ALDH6A1: variants seen among roughly 807,000 people sequenced by gnomAD.
The protein encoded by ALDH6A1 is methylmalonate-semialdehyde/malonate-semialdehyde dehydrogenase [acylating], mitochondrial.
ALDH6A1 carries 43 observed loss-of-function variants against 62.6 expected under a neutral mutation model. The observed-to-expected ratio is 0.69, with a 90% CI of 0.54 to 0.89. The LOEUF (loss-of-function observed/expected upper bound fraction) is 0.89. ALDH6A1 is among the 40% of genes least tolerant of loss of function. The pLI is 0.00. For synonymous variants in ALDH6A1, 194 were observed against 234.2 expected (o/e 0.83, Z 1.57); for missense variants, 551 against 661.3 (o/e 0.83, Z 1.83).
chr14:74,061,209 C>T (rs2060333024), intron 11 of ALDH6A1, among the ~76,000 whole-genome samples: 1 of 152,146 alleles, frequency 6.6e-6, no homozygotes, highest in African/African-American at 2.4e-5. Context: ...AACTCCCGGC[C>T]TCAAGTGATC....
rs921094821 is a variant in ALDH6A1, at chr14:74,057,459, A to G, written c.*3183T>C. ...GCATATTATACTAATGCAAATGCAA[A>G]TGTGTGCCTCTTTTTGTGTAGAAAC... is the stretch of plus-strand genomic sequence containing the variant. On this transcript the variant is annotated 3_prime_UTR_variant, in exon 12 of 12. Coordinates refer to ENST00000553458, the MANE Select transcript of ALDH6A1 (RefSeq NM_005589.4). 8 of 1,455,282 alleles carry G rather than the reference A, an allele frequency of 5.5e-6. No individual in the cohort carries two copies. The highest frequency in any genetic ancestry group is 7.2e-6 in the Non-Finnish European group (8 of 1,106,950). The allele number at this position is 1,455,282 out of a possible 1,614,324, so 90.1% of individuals were successfully genotyped here. A position where few individuals can be genotyped will look rare whatever the true frequency, so the allele number is the denominator to read the frequency against.
rs369223978 is a variant in ALDH6A1 at position 74,065,212 on chromosome 14, C to T, written c.1373G>A (p.Arg458Gln). ...AACATCCACCAAGTGGGCATATTTC[C>T]GAGCAGTGGCTCCATTGGTGGTGAA... ...AIFTTNGATA[R>Q]KYAHLVDVGQ... The change falls in exon 10 of 12, where the codon CGG (arginine) becomes CAG (glutamine). Residue 458 changes from arginine (R) to glutamine (Q), a missense_variant. By Grantham distance (43) the Arg-to-Gln change is conservative. Coordinates refer to ENST00000553458, the MANE Select transcript of ALDH6A1 (RefSeq NM_005589.4). 42 of 1,613,998 alleles carry T rather than the reference C, an allele frequency of 2.6e-5. No homozygotes were observed. Among genetic ancestry groups the T allele is most frequent in the South Asian group, 3.3e-5 (3 of 91,078 alleles).
Position 74,071,900 on chromosome 14 carries a change from G to C in ALDH6A1, c.423C>G (p.Gly141=). The change falls in exon 5 of 12, where the codon GGC becomes GGG. Residue 141 remains glycine, a synonymous_variant. Coordinates refer to ENST00000553458, the MANE Select transcript of ALDH6A1 (RefSeq NM_005589.4). ...LADAEGDVFR[G]LQVVEHACSV... Reference sequence around the variant, plus strand: ...CATAAGGGGCTCCCAGCTTACGAAGGCCTCGAAATACATCTCCTTCAGCAT... The same window carrying C: ...CATAAGGGGCTCCCAGCTTACGAAGCCCTCGAAATACATCTCCTTCAGCAT... 2 of 1,614,162 alleles carry C rather than the reference G, an allele frequency of 1.2e-6. No individual in the cohort carries two copies. Among genetic ancestry groups the C allele is most frequent in the Non-Finnish European group, 8.5e-7 (1 of 1,179,986 alleles).
At chr14:74,064,365 AT>A (rs564076208) in intron 11 of ALDH6A1, among the ~76,000 whole-genome samples, 1 of 152,082 alleles carries the variant, frequency 6.6e-6, no homozygotes, top group Admixed American at 6.6e-5. Context: ...GCTCAACAAC[AT>A]TTTTTGTAAA....
intron 6 of ALDH6A1, among the ~76,000 whole-genome samples, chr14:74,069,702 G>C (rs746606583): frequency 6.6e-6 from 1 of 151,946 alleles, no homozygotes; most frequent in Non-Finnish European, 1.5e-5. Context: ...GCAGCGAGCC[G>C]AGATTGTGCC....
chr14:74,069,104 T>TC (rs1675471483), intron 6 of ALDH6A1, 123 bp from the exon 7 acceptor site: 25 of 738,578 alleles, frequency 3.4e-5, no homozygotes, highest in South Asian at 8.4e-5. Flanking sequence ...ACTTTTTCTT[T>TC]TTTTTTTTTT....
intron 6 of ALDH6A1, among the ~76,000 whole-genome samples, chr14:74,070,474 G>A (rs909061644): frequency 6.6e-6 from 1 of 152,056 alleles, no homozygotes; most frequent in Non-Finnish European, 1.5e-5. Flanking sequence ...AGCCGAGATC[G>A]CACCACTGCT....
At chr14:74,065,906 C>T (rs987093313) in intron 9 of ALDH6A1, 4 of 160,644 alleles carry the variant, frequency 2.5e-5, no homozygotes, top group East Asian at 1.8e-4. Flanking sequence ...TGCTGATAAA[C>T]GGATTTTTCT....
chr14:74,071,863 T>C, intron 5 of ALDH6A1, 33 bp downstream of exon 5: 1 of 1,607,012 alleles, frequency 6.2e-7, no homozygotes, highest in Admixed American at 1.7e-5. Flanking sequence ...CTTTGGTCCT[T>C]CCCAAAAGTC....
In ALDH6A1 at chr14:74,057,227, C is replaced by T. The variant is rs1326649533; in HGVS notation, c.*3415G>A. On this transcript the variant is annotated 3_prime_UTR_variant, in exon 12 of 12. Coordinates refer to ENST00000553458, the MANE Select transcript of ALDH6A1 (RefSeq NM_005589.4). Reference sequence around the variant, plus strand: ...TCTTCTGGTGAAGTGGTGCTACCCACTATTCCAAAAGAACCTCAGGAGTCT... The same window carrying T: ...TCTTCTGGTGAAGTGGTGCTACCCATTATTCCAAAAGAACCTCAGGAGTCT... 2 of 1,613,988 alleles carry T rather than the reference C, an allele frequency of 1.2e-6. No individual in the cohort carries two copies. Among genetic ancestry groups the T allele is most frequent in the Non-Finnish European group, 1.7e-6 (2 of 1,179,976 alleles).
At chr14:74,078,376 T>C in intron 1 of ALDH6A1, 1 of 388,426 alleles carries the variant, frequency 2.6e-6, no homozygotes, top group South Asian at 2.0e-5. Flanking sequence ...TTTTTTGAGA[T>C]AGGGTCTCGT....
intron 1 of ALDH6A1, among the ~76,000 whole-genome samples, chr14:74,076,193 T>C (rs866148112): frequency 6.6e-5 from 10 of 152,092 alleles, no homozygotes; most frequent in Admixed American, 2.0e-4. Flanking sequence ...CAGATTGTTT[T>C]GTGTCAATTT....
At position 74,072,275 on chromosome 14, in the gene ALDH6A1, T is replaced by C. The variant is rs1224161150; in HGVS notation, c.276A>G (p.Ala92=). 1 of 1,614,120 alleles carries C rather than the reference T, an allele frequency of 6.2e-7. No homozygotes were observed. Among genetic ancestry groups the C allele is most frequent in the Non-Finnish European group, 8.5e-7 (1 of 1,180,056 alleles). The part of the protein sequence containing the change: ...AIASCKRAFP[A]WADTSVLSRQ... ...GGCTTAATACTGAAGTGTCTGCCCA[T>C]GCAGGAAAAGCACGTTTGCAGGAAG... Residue 92 remains alanine, a synonymous_variant, in exon 4 of 12, where the codon GCA becomes GCG. Transcript: ENST00000553458.
intron 2 of ALDH6A1, among the ~76,000 whole-genome samples, 179 bp downstream of exon 2, chr14:74,074,776 T>C (rs1410886774): frequency 6.6e-6 from 1 of 152,130 alleles, no homozygotes; most frequent in Non-Finnish European, 1.5e-5. Flanking sequence ...CTAGAAGCCA[T>C]GAAAATGTTT....
chr14:74,083,827 A>T (rs2060694026), intron 1 of ALDH6A1, among the ~76,000 whole-genome samples: 1 of 152,210 alleles, frequency 6.6e-6, no homozygotes, highest in Non-Finnish European at 1.5e-5. Flanking sequence ...CTCTAGAAGG[A>T]AATTCAAAGT....
chr14:74,082,204 C>T (rs968501355), intron 1 of ALDH6A1, among the ~76,000 whole-genome samples: 4 of 152,056 alleles, frequency 2.6e-5, no homozygotes, highest in Non-Finnish European at 2.9e-5. Flanking sequence ...GACCCTGTCT[C>T]GAACATTCCT....
At position 74,057,118 on chromosome 14, in the gene ALDH6A1, G is replaced by A. The variant is rs779735696; in HGVS notation, c.*3524C>T. The A allele has an allele frequency of 2.5e-5, 40 of 1,604,916 alleles. No homozygotes were observed. The highest frequency in any genetic ancestry group is 3.2e-5 in the Non-Finnish European group (38 of 1,174,364). ...TTTCATGTGTGTAGAGTTGTTGACG[G>A]TTCTGTTATTTTGTCATTATTGCAG... On this transcript the variant is annotated 3_prime_UTR_variant, in exon 12 of 12. Coordinates refer to ENST00000553458, the MANE Select transcript of ALDH6A1 (RefSeq NM_005589.4).
chr14:74,076,232 A>G (rs2060611450), intron 1 of ALDH6A1, among the ~76,000 whole-genome samples: 1 of 152,242 alleles, frequency 6.6e-6, no homozygotes, highest in African/African-American at 2.4e-5. Context: ...TTGAAATGCC[A>G]TAGGTACATT....
At position 74,071,906 on chromosome 14, in the gene ALDH6A1, A is replaced by G. The variant is rs1330182541; in HGVS notation, c.417T>C (p.Phe139=). Residue 139 remains phenylalanine, a synonymous_variant, in exon 5 of 12, where the codon TTT becomes TTC. Coordinates refer to ENST00000553458, the MANE Select transcript of ALDH6A1 (RefSeq NM_005589.4). ...GGGCTCCCAGCTTACGAAGGCCTCG[A>G]AATACATCTCCTTCAGCATCAGCTA... The part of the protein sequence containing the change: ...KTLADAEGDV[F]RGLQVVEHAC... 6.2e-7 allele frequency: 1 copy of G among 1,614,232 alleles called. No homozygotes were observed. The highest frequency in any genetic ancestry group is 8.5e-7 in the Non-Finnish European group (1 of 1,180,034).
Sources: allele counts gnomAD v4.1 joint callset (sites outside exome capture counted in the v4.1 genomes callset), GRCh38; gene constraint gnomAD v4.1.1; transcripts MANE v1.5; gene names NCBI Gene and HGNC (gene_info 2026-07-23, HGNC 2026-07-21).